DSPP: variants seen among roughly 807,000 people sequenced by gnomAD.
DSPP encodes deafness, autosomal dominant 39.
DSPP carries 28 observed loss-of-function variants against 29.1 expected under a neutral mutation model. The observed-to-expected ratio is 0.96, with a 90% CI of 0.71 to 1.32. The LOEUF (loss-of-function observed/expected upper bound fraction) is 1.32. Among genes scored for constraint, DSPP ranks in the 40% most tolerant of loss-of-function variants. The probability of loss-of-function intolerance (pLI) is 0.00; values close to 1 mark genes in which losing one functional copy is unlikely to be tolerated. For synonymous variants in DSPP, 481 were observed against 503.4 expected, an observed-to-expected ratio of 0.96 and a Z score of 0.60; for missense variants, 1,281 against 1,629.9, an observed-to-expected ratio of 0.79 and a Z score of 3.69.
In DSPP at chr4:87,613,993, A is replaced by T. The variant is rs779789046; in HGVS notation, c.1331A>T (p.Asp444Val). The change falls in exon 5 of 5, where the codon GAC becomes GTC. Residue 444 changes from aspartate to valine, a missense_variant. Asp to Val is a radical substitution (Grantham distance 152). Coordinates refer to ENST00000651931, the MANE Select transcript of DSPP (RefSeq NM_014208.3). ...GTTGGACACAGCAATACAGGTAGTGACAGCAATAGTGATGGATATGACAGT... is the reference window on the plus strand; with the variant it reads ...GTTGGACACAGCAATACAGGTAGTGTCAGCAATAGTGATGGATATGACAGT... ...NKVGHSNTGS[D>V]SNSDGYDSYD... 13 of 1,614,242 alleles carry T rather than the reference A, an allele frequency of 8.1e-6. No homozygotes were observed. The South Asian group carries it at 1.4e-4, about 18-fold the overall frequency.
In DSPP at chr4:87,613,802, TCCC is replaced by T. The variant is rs1471484535; in HGVS notation, c.1141_1143del (p.Pro381del). 1 of 1,613,896 alleles carries T rather than the reference TCCC, an allele frequency of 6.2e-7. No individual in the cohort carries two copies. The highest frequency in any genetic ancestry group is 2.2e-5 in the East Asian group (1 of 44,882). On this transcript the variant is annotated inframe_deletion, in exon 5 of 5. Coordinates refer to ENST00000651931, the MANE Select transcript of DSPP (RefSeq NM_014208.3). ...TTCCATAGGGAATAGAAATCAAGGG[TCCC>T]AGCAGTGGCAACAGAAATATTACCA...
Position 87,613,218 on chromosome 4 carries a change from C to G in DSPP, c.1032C>G (p.Thr344=), listed in dbSNP as rs768799620. The change falls in exon 4 of 5, where the codon ACC becomes ACG. Residue 344 remains threonine (T), a synonymous_variant. Transcript: ENST00000651931. The part of the protein sequence containing the change: ...EDNGSQRIED[T]QKLNHRESKR... ...ATGGCAGCCAAAGAATAGAGGACACCCAGAAGCTCAACCATAGAGAAAGCA... is the reference window on the plus strand; with the variant it reads ...ATGGCAGCCAAAGAATAGAGGACACGCAGAAGCTCAACCATAGAGAAAGCA... 6.8e-6 allele frequency: 11 copies of G among 1,613,680 alleles called. No individual in the cohort carries two copies. Among genetic ancestry groups the G allele is most frequent in the Non-Finnish European group, 9.3e-6 (11 of 1,179,996 alleles).
chr4:87,612,964 G>A lies in DSPP; in HGVS notation c.778G>A (p.Gly260Ser), dbSNP rs1727767857. ...GADEDEDEGS[G>S]DDEDEEAGNG... ...AGATGAGGATGAAGACGAGGGTTCT[G>A]GTGATGATGAAGATGAAGAAGCAGG... The change falls in exon 4 of 5, where the codon GGT becomes AGT. Residue 260 changes from glycine (G) to serine (S), a missense_variant. Physicochemically the swap from Gly to Ser is moderately conservative, Grantham distance 56 (BLOSUM62 0). This residue lies in a region of DSPP where 631 missense variants were observed against 643.2 expected (regional missense o/e 0.98). Coordinates refer to ENST00000651931, the MANE Select transcript of DSPP (RefSeq NM_014208.3). The A allele has an allele frequency of 6.2e-7, 1 of 1,614,134 alleles. No homozygotes were observed. The highest frequency in any genetic ancestry group is 8.5e-7 in the Non-Finnish European group (1 of 1,180,020).
At position 87,616,106 on chromosome 4, in the gene DSPP, T is replaced by C. The variant is rs776781347; in HGVS notation, c.3444T>C (p.Ser1148=). ...SSNSSDSSDS[S]ESSDSSDSSD... Reference sequence around the variant, plus strand: ...ACAGCAGTGACAGCAGTGACAGCAGTGAAAGCAGCGACAGCAGTGACAGCA... The same window carrying C: ...ACAGCAGTGACAGCAGTGACAGCAGCGAAAGCAGCGACAGCAGTGACAGCA... Residue 1148 remains serine (S), a synonymous_variant, in exon 5 of 5, where the codon AGT becomes AGC. Transcript: ENST00000651931. The C allele has an allele frequency of 4.3e-4, 319 of 739,400 alleles. 87 individuals are homozygous for C. The highest frequency in any genetic ancestry group is 3.0e-3 in the East Asian group (30 of 10,062). 45.8% of individuals were successfully genotyped at this position (739,400 alleles called of 1,614,324 possible).
chr4:87,608,835 C>T (rs78521053), intron 1 of DSPP, among the ~76,000 whole-genome samples: 1,931 of 152,214 alleles, frequency 0.013, 46 homozygotes, highest in African/African-American at 0.044. Flanking sequence ...AGAAAGACCT[C>T]GTACTGAAAA....
chr4:87,611,149 A>C (rs1461344841), intron 2 of DSPP, among the ~76,000 whole-genome samples, 190 bp downstream of exon 2: 1 of 151,826 alleles, frequency 6.6e-6, no homozygotes, highest in Non-Finnish European at 1.5e-5. Flanking sequence ...TTAGATTTGC[A>C]CTAAGGGCTT....
In DSPP at chr4:87,615,071, C is replaced by G. The variant is rs1029468737; in HGVS notation, c.2409C>G (p.Ser803Arg). Residue 803 changes from serine (S) to arginine (R), a missense_variant, in exon 5 of 5, where the codon AGC becomes AGG. Coordinates refer to ENST00000651931, the MANE Select transcript of DSPP (RefSeq NM_014208.3). ...GTGATAGCAGCAACAGCAGTGATAG[C>G]AGCAACAGCAGTGATAGCAGTGATA... ...DSSDSSNSSD[S>R]SNSSDSSDSS... 3.2e-6 allele frequency: 5 copies of G among 1,550,098 alleles called. No individual in the cohort carries two copies. The African/African-American group carries it at 5.5e-5, about 17-fold the overall frequency.
Position 87,614,645 on chromosome 4 carries a change from TAGCAGTAAC to T in DSPP, c.1990_1998del (p.Asn664_Ser666del). ...ACAGTGATAGCAGCGACAGCAGCAA[TAGCAGTAAC>T]AGCAGTGATAGTAGTGACAGCAGTG... On this transcript the variant is annotated inframe_deletion, in exon 5 of 5. Coordinates refer to ENST00000651931, the MANE Select transcript of DSPP (RefSeq NM_014208.3). 1 of 1,542,246 alleles carries T rather than the reference TAGCAGTAAC, an allele frequency of 6.5e-7. No individual in the cohort carries two copies.
Position 87,616,201 on chromosome 4 carries a change from G to T in DSPP, c.3539G>T (p.Ser1180Ile). The T allele has an allele frequency of 6.5e-7, 1 of 1,544,008 alleles. No individual in the cohort carries two copies. The highest frequency in any genetic ancestry group is 1.2e-5 in the South Asian group (1 of 83,050). ...AGCGATAGCAGTGACAGCAGCAATA[G>T]CAGTGATAGCAGCGACAGCAGTGAT... is the stretch of plus-strand genomic sequence containing the variant. ...DSSDSSDSSN[S>I]SDSSDSSDSS... Residue 1180 changes from serine to isoleucine, a missense_variant, in exon 5 of 5, where the codon AGC (serine) becomes ATC (isoleucine). Transcript: ENST00000651931.
intron 3 of DSPP, 56 bp from the exon 4 acceptor site, chr4:87,612,266 T>G: frequency 6.2e-7 from 1 of 1,612,730 alleles, no homozygotes; most frequent in Non-Finnish European, 8.5e-7. Flanking sequence ...AGATTGCAAT[T>G]TGCTTTCCTT....
In DSPP at chr4:87,614,244, G is replaced by A. The variant is rs1727803807; in HGVS notation, c.1582G>A (p.Gly528Ser). 6.2e-7 allele frequency: 1 copy of A among 1,614,110 alleles called. No homozygotes were observed. The highest frequency in any genetic ancestry group is 1.3e-5 in the African/African-American group (1 of 74,940). The stretch of plus-strand genomic sequence containing the variant: ...AGACACTAATAATAGTGACAGTAAT[G>A]GCAATGGTAACAATGGGAATGATGA... The part of the protein sequence containing the change: ...TSDTNNSDSN[G>S]NGNNGNDDND... Residue 528 changes from glycine (G) to serine (S), a missense_variant, in exon 5 of 5, where the codon GGC becomes AGC. Physicochemically the swap from Gly to Ser is moderately conservative, Grantham distance 56 (BLOSUM62 0). Coordinates refer to ENST00000651931, the MANE Select transcript of DSPP (RefSeq NM_014208.3).
Position 87,616,437 on chromosome 4 carries a change from A to T in DSPP, c.3775A>T (p.Ser1259Cys). Residue 1259 changes from serine (S) to cysteine (C), a missense_variant, in exon 5 of 5, where the codon AGT becomes TGT. Ser to Cys is a moderately radical substitution (Grantham distance 112). Around this residue, in one of 4 missense-constraint regions of DSPP, gnomAD observed 134 missense variants for 185.0 expected, o/e 0.72. Coordinates refer to ENST00000651931, the MANE Select transcript of DSPP (RefSeq NM_014208.3). ...SSDSSDSSDS[S>C]DSTSDSNDES... The stretch of plus-strand genomic sequence containing the variant: ...TGACAGCAGCGACAGCAGTGATAGC[A>T]GTGACAGCACATCTGACAGCAATGA... 6.4e-7 allele frequency: 1 copy of T among 1,551,754 alleles called. No individual in the cohort carries two copies. Among genetic ancestry groups the T allele is most frequent in the South Asian group, 1.2e-5 (1 of 84,070 alleles).
chr4:87,614,825 TAAC>T lies in DSPP; in HGVS notation c.2165_2167del (p.Asn722del). The T allele has an allele frequency of 6.5e-7, 1 of 1,549,472 alleles. No individual in the cohort carries two copies. The highest frequency in any genetic ancestry group is 8.7e-7 in the Non-Finnish European group (1 of 1,146,602). ...GTGATAGTAGTGACAGCAGTAATAG[TAAC>T]AGCAGCGATAGTGACAGCAGCAACA... On this transcript the variant is annotated inframe_deletion, in exon 5 of 5. Coordinates refer to ENST00000651931, the MANE Select transcript of DSPP (RefSeq NM_014208.3).
Position 87,614,938 on chromosome 4 carries a change from G to T in DSPP, c.2276G>T (p.Ser759Ile). ...AACAGCAGTGACAGTAGCGATAGCA[G>T]TGACAGCAGCAACAGCAGTGACAGC... ...SSNSSDSSDS[S>I]DSSNSSDSSD... The change falls in exon 5 of 5, where the codon AGT (serine) becomes ATT (isoleucine). Residue 759 changes from serine to isoleucine, a missense_variant. Coordinates refer to ENST00000651931, the MANE Select transcript of DSPP (RefSeq NM_014208.3). 6.5e-7 allele frequency: 1 copy of T among 1,538,582 alleles called. No individual in the cohort carries two copies. The highest frequency in any genetic ancestry group is 8.7e-7 in the Non-Finnish European group (1 of 1,146,694).
chr4:87,616,154 TAGCAGC>T lies in DSPP; in HGVS notation c.3493_3498del (p.Ser1165_Ser1166del). On this transcript the variant is annotated inframe_deletion, in exon 5 of 5. Transcript: ENST00000651931. The stretch of plus-strand genomic sequence containing the variant: ...GCAGCGACAGCAGTGACAGCAGCGA[TAGCAGC>T]GACAGCAGCGACAGCAGCGATAGCA... The T allele has an allele frequency of 1.4e-6, 1 of 737,738 alleles. No homozygotes were observed. The highest frequency in any genetic ancestry group is 2.9e-5 in the African/African-American group (1 of 35,022). 45.7% of individuals were successfully genotyped at this position (737,738 alleles called of 1,614,324 possible).
Position 87,612,166 on chromosome 4 carries a change from C to G in DSPP, c.113C>G (p.Ala38Gly). The G allele has an allele frequency of 2.5e-6, 4 of 1,614,038 alleles. No homozygotes were observed. Among genetic ancestry groups the G allele is most frequent in the Non-Finnish European group, 2.5e-6 (3 of 1,179,922 alleles). ...VEKSMNLHLL[A>G]RSNVSVQDEL... ...AAATCCATGAATTTGCATCTCCTAG[C>G]AAGATCAAATGTGTCAGTACAGGTA... is the stretch of plus-strand genomic sequence containing the variant. Residue 38 changes from alanine (A) to glycine (G), a missense_variant, in exon 3 of 5, where the codon GCA (alanine) becomes GGA (glycine). This residue lies in a region of DSPP where 631 missense variants were observed against 643.2 expected (regional missense o/e 0.98). Coordinates refer to ENST00000651931, the MANE Select transcript of DSPP (RefSeq NM_014208.3).
chr4:87,613,634 G>A (rs1427821888), intron 4 of DSPP, 151 bp from the exon 5 acceptor site: 6 of 1,209,030 alleles, frequency 5.0e-6, no homozygotes, highest in Non-Finnish European at 7.0e-6. Flanking sequence ...TTCAATTACA[G>A]AATAAAGCAC....
chr4:87,616,677 T>G lies in DSPP; in HGVS notation c.*109T>G. On this transcript the variant is annotated 3_prime_UTR_variant, in exon 5 of 5. Transcript: ENST00000651931. Reference sequence around the variant, plus strand: ...AGGGGAGAAATAAACATAAGACGTATGTAAACAAAAACAACTGGGGGAATC... The same window carrying G: ...AGGGGAGAAATAAACATAAGACGTAGGTAAACAAAAACAACTGGGGGAATC... 6.5e-7 allele frequency: 1 copy of G among 1,527,946 alleles called. No individual in the cohort carries two copies. Among genetic ancestry groups the G allele is most frequent in the Non-Finnish European group, 8.8e-7 (1 of 1,130,236 alleles). 94.6% of individuals were successfully genotyped at this position (1,527,946 alleles called of 1,614,324 possible).
chr4:87,615,509 CA>C lies in DSPP; in HGVS notation c.2848del (p.Ser950AlafsTer364). 6.5e-7 allele frequency: 1 copy of C among 1,542,600 alleles called. No individual in the cohort carries two copies. Among genetic ancestry groups the C allele is most frequent in the South Asian group, 1.2e-5 (1 of 83,492 alleles). ...NSSDSSDSSDSSNSSDSSNSS... is the reference protein window; with the variant it reads ...NSSDSSDSSDXSNSSDSSNSS... ...GCAGTGACAGCAGTGATAGCAGTGA[CA>C]GCAGTAATAGTAGTGACAGCAGCAA... is the stretch of plus-strand genomic sequence containing the variant. On this transcript the variant is annotated frameshift_variant, in exon 5 of 5. Transcript: ENST00000651931. LOFTEE classifies it low-confidence loss of function (END_TRUNC).
Sources: allele counts gnomAD v4.1 joint callset (sites outside exome capture counted in the v4.1 genomes callset), GRCh38; gene constraint gnomAD v4.1.1; regional missense constraint gnomAD v4.1.1; transcripts MANE v1.5; gene names NCBI Gene and HGNC (gene_info 2026-07-23, HGNC 2026-07-21).